The following EVI5 variants were observed in gnomAD, a reference collection of about 807,000 sequenced individuals.
EVI5 encodes the protein ecotropic viral integration site 5, also known as ecotropic viral integration site 5 protein homolog.
A neutral mutation model predicts 112.0 loss-of-function variants in EVI5; 73 were observed. The ratio of observed to expected loss-of-function variants is 0.65; its 90% confidence interval spans 0.54 to 0.79. The LOEUF is 0.79. Among genes scored for constraint, EVI5 ranks in the 30% least tolerant of loss-of-function variants. The pLI, the probability that EVI5 is intolerant of heterozygous loss-of-function variation, is 0.00. For missense variants in EVI5, 900 were observed against 968.8 expected, an observed-to-expected ratio of 0.93 and a Z score of 0.94; for synonymous variants, 305 against 319.9, an observed-to-expected ratio of 0.95 and a Z score of 0.50.
At chr1:92,696,668 C>T (rs984464511) in intron 6 of EVI5, among the ~76,000 whole-genome samples, 4 of 151,506 alleles carry the variant, frequency 2.6e-5, no homozygotes, top group Non-Finnish European at 5.9e-5. Flanking sequence ...CATCTCAAAA[C>T]CTATTCTGGC....
chr1:92,545,709 A>G (rs1031387198), intron 19 of EVI5, among the ~76,000 whole-genome samples: 7 of 152,114 alleles, frequency 4.6e-5, no homozygotes, highest in African/African-American at 7.2e-5. Context: ...CATTAGATCA[A>G]TCTCTATGAA....
intron 9 of EVI5, among the ~76,000 whole-genome samples, chr1:92,682,490 G>A (rs934306373): frequency 1.3e-5 from 2 of 152,152 alleles, no homozygotes; most frequent in African/African-American, 4.8e-5. Flanking sequence ...GGCCAGGCAT[G>A]GTGGCTCATG....
In EVI5 at chr1:92,703,465, G is replaced by A. The variant is rs1449871725; in HGVS notation, c.494C>T (p.Thr165Ile). Residue 165 changes from threonine to isoleucine, a missense_variant, in exon 4 of 20, where the codon ACT becomes ATT. Physicochemically the swap from Thr to Ile is moderately conservative, Grantham distance 89. Coordinates refer to ENST00000684568, the MANE Select transcript of EVI5 (RefSeq NM_001350197.2). ...CTTAAAAAAGTTGTGTTCAGGGTAA[G>A]TTCTAGCAATGTCCCTTCGGATCAA... ...EKLIRRDIARTYPEHNFFKEK... is the reference protein window; with the variant it reads ...EKLIRRDIARIYPEHNFFKEK... The A allele has an allele frequency of 6.2e-7, 1 of 1,600,102 alleles. No homozygotes were observed. Among genetic ancestry groups the A allele is most frequent in the East Asian group, 2.2e-5 (1 of 44,600 alleles).
intron 18 of EVI5, among the ~76,000 whole-genome samples, chr1:92,604,017 G>T (rs898131173): frequency 1.3e-5 from 2 of 151,896 alleles, no homozygotes; most frequent in Non-Finnish European, 2.9e-5. Context: ...TTACAGGCAT[G>T]AGTCATTACA....
chr1:92,614,840 T>TTATATATA (rs561640520), intron 16 of EVI5, among the ~76,000 whole-genome samples: 11 of 12,574 alleles, frequency 8.7e-4, no homozygotes, highest in African/African-American at 2.1e-3. Context: ...ATGTTATATT[T>TTATATATA]TATATATATA....
rs34807551 is a variant in EVI5, at chr1:92,643,291, C to CT, written c.1393-6956dup. 5.9e-3 allele frequency among the ~76,000 whole-genome samples: 730 copies of CT among 123,040 alleles called. 5 individuals are homozygous for CT. Among genetic ancestry groups the CT allele is most frequent in the Non-Finnish European group, 9.3e-3 (562 of 60,520 alleles). 80.7% of individuals were successfully genotyped at this position (123,040 alleles called of 152,430 possible). A position where few individuals can be genotyped will look rare whatever the true frequency, so the allele number is the denominator to read the frequency against. The stretch of plus-strand genomic sequence containing the variant: ...AATTCAATAATAAATTAACTCAAAT[C>CT]TTTTTTTTTTTTTTTTTTTTTTTAA... On this transcript the variant is annotated intron_variant, in intron 13 of 19. Coordinates refer to ENST00000684568, the MANE Select transcript of EVI5 (RefSeq NM_001350197.2).
chr1:92,765,215 C>CTTTTT (rs533143502), intron 1 of EVI5, among the ~76,000 whole-genome samples: 4 of 116,416 alleles, frequency 3.4e-5, no homozygotes, highest in Non-Finnish European at 3.4e-5. Context: ...TTTTTCCTTC[C>CTTTTT]TTTTTTTTTT....
intron 1 of EVI5, chr1:92,756,861 T>C (rs4847309): frequency 0.92 from 426,761 of 463,912 alleles, 196,550 homozygotes; most frequent in East Asian, 0.97. Context: ...TCACTGGCAA[T>C]AGTAGCAGAA....
At chr1:92,619,368 A>G (rs752157941) in intron 16 of EVI5, among the ~76,000 whole-genome samples, 5 of 151,878 alleles carry the variant, frequency 3.3e-5, no homozygotes, top group Non-Finnish European at 7.4e-5. Context: ...TTTGACTGGC[A>G]CTTCTTGCTC....
At chr1:92,710,826 C>T (rs1672739660) in intron 2 of EVI5, among the ~76,000 whole-genome samples, 1 of 152,108 alleles carries the variant, frequency 6.6e-6, no homozygotes, top group African/African-American at 2.4e-5. Flanking sequence ...GTGGTTGCTT[C>T]TGGAAGTTTG....
intron 17 of EVI5, among the ~76,000 whole-genome samples, chr1:92,605,975 C>T (rs190331148): frequency 1.1e-4 from 17 of 152,228 alleles, no homozygotes; most frequent in Admixed American, 3.9e-4. Flanking sequence ...GTAAAACATA[C>T]ACATTTAATC....
At chr1:92,525,286 T>TTC (rs386367672) in intron 19 of EVI5, among the ~76,000 whole-genome samples, 3 of 148,272 alleles carry the variant, frequency 2.0e-5, no homozygotes, top group African/African-American at 7.6e-5. Flanking sequence ...TTTTTTTTTT[T>TTC]TGAGACAGAG....
At chr1:92,624,093 T>C in intron 16 of EVI5, 83 bp downstream of exon 16, 1 of 1,231,872 alleles carries the variant, frequency 8.1e-7, no homozygotes, top group Non-Finnish European at 1.2e-6. Flanking sequence ...CTTTTATCTC[T>C]GTTCTAGGGA....
At chr1:92,616,450 A>G (rs759706834) in intron 16 of EVI5, among the ~76,000 whole-genome samples, 6 of 152,194 alleles carry the variant, frequency 3.9e-5, no homozygotes, top group African/African-American at 9.7e-5. Context: ...CATGAACAGC[A>G]GCGGCAAAGC....
intron 13 of EVI5, among the ~76,000 whole-genome samples, chr1:92,636,595 A>G (rs1378887680): frequency 3.9e-5 from 6 of 152,246 alleles, no homozygotes; most frequent in Non-Finnish European, 8.8e-5. Context: ...TCTGATTCAT[A>G]TAAGATAAAC....
chr1:92,518,926 A>AG (rs1660410149), intron 19 of EVI5, among the ~76,000 whole-genome samples: 1 of 152,236 alleles, frequency 6.6e-6, no homozygotes, highest in South Asian at 2.1e-4. Flanking sequence ...CAAAATTCTG[A>AG]GAAAAAATAA....
intron 9 of EVI5, among the ~76,000 whole-genome samples, chr1:92,690,467 T>C (rs551013999): frequency 2.2e-4 from 34 of 151,868 alleles, no homozygotes; most frequent in Non-Finnish European, 4.4e-4. Flanking sequence ...CTTAGTATCT[T>C]GAGTAGCTGG....
chr1:92,612,048 G>A (rs1383291877), intron 16 of EVI5, among the ~76,000 whole-genome samples: 1 of 152,110 alleles, frequency 6.6e-6, no homozygotes, highest in Non-Finnish European at 1.5e-5. Flanking sequence ...GGTATTAAAA[G>A]ATGTACAATA....
chr1:92,630,292 A>G (rs551168374), intron 14 of EVI5, among the ~76,000 whole-genome samples: 34 of 152,278 alleles, frequency 2.2e-4, no homozygotes, highest in African/African-American at 8.2e-4. Flanking sequence ...CAACAGCGTA[A>G]AAGTGTTCCT....
Sources: allele counts gnomAD v4.1 joint callset (sites outside exome capture counted in the v4.1 genomes callset), GRCh38; gene constraint gnomAD v4.1.1; transcripts MANE v1.5; gene names NCBI Gene and HGNC (gene_info 2026-07-23, HGNC 2026-07-21).